The following COX16 variants were observed in gnomAD, a reference collection of about 807,000 sequenced individuals.
COX16 encodes cytochrome c oxidase assembly protein COX16 homolog, mitochondrial.
A neutral mutation model predicts 15.4 loss-of-function variants in COX16; 12 were observed. The observed-to-expected ratio is 0.78, with a 90% CI of 0.50 to 1.26. The LOEUF (loss-of-function observed/expected upper bound fraction) is 1.26, where lower values mean the gene tolerates loss of function less well. COX16 is among the 50% of genes most tolerant of loss of function. COX16 has a pLI of 0.00. For missense variants in COX16, 124 were observed against 127.6 expected (o/e 0.97, Z 0.14); for synonymous variants, 46 against 41.1 (o/e 1.12, Z -0.46).
At chr14:70,337,129 T>G (rs1380218847) in intron 2 of COX16, among the ~76,000 whole-genome samples, 1 of 152,124 alleles carries the variant, frequency 6.6e-6, no homozygotes, top group Non-Finnish European at 1.5e-5. Context: ...TGACAAAAAG[T>G]AGAGATCAAA....
chr14:70,354,916 C>T (rs8015988), intron 1 of COX16, among the ~76,000 whole-genome samples: 71,805 of 151,460 alleles, frequency 0.47, 17,648 homozygotes, highest in South Asian at 0.55. Context: ...ATCCACACTC[C>T]TAACTAAATA....
In COX16 at chr14:70,325,584, C is replaced by A. The variant is rs1209100049; in HGVS notation, c.*749G>T. The A allele has an allele frequency of 2.0e-5, 3 of 152,008 alleles. No individual in the cohort carries two copies. In the East Asian group the frequency reaches 5.8e-4, roughly 29 times the overall value. The allele number at this position is 152,008 out of a possible 1,614,324, so 9.4% of individuals were successfully genotyped here. On this transcript the variant is annotated 3_prime_UTR_variant, in exon 4 of 4. Coordinates refer to ENST00000389912, the MANE Select transcript of COX16 (RefSeq NM_016468.7). Reference sequence around the variant, plus strand: ...AACAGAGCGAGACTATGTCTCAAAACAAAACAAAAACACTAGAGGGCAATT... The same window carrying A: ...AACAGAGCGAGACTATGTCTCAAAAAAAAACAAAAACACTAGAGGGCAATT...
At position 70,326,246 on chromosome 14, in the gene COX16, T is replaced by C. The variant is rs1886067197; in HGVS notation, c.*87A>G. The stretch of plus-strand genomic sequence containing the variant: ...AGTTTCCATGGGCCTGGAATTTCCT[T>C]TCCACTTGATAGAAGTATATATTAG... On this transcript the variant is annotated 3_prime_UTR_variant, in exon 4 of 4. Transcript: ENST00000389912. The C allele has an allele frequency of 1.8e-6, 2 of 1,117,714 alleles. No individual in the cohort carries two copies. The highest frequency in any genetic ancestry group is 6.2e-5 in the East Asian group (2 of 32,028). The allele number at this position is 1,117,714 out of a possible 1,614,324, so 69.2% of individuals were successfully genotyped here.
chr14:70,346,235 T>C (rs1184919264), intron 1 of COX16, among the ~76,000 whole-genome samples: 2 of 152,186 alleles, frequency 1.3e-5, no homozygotes, highest in Admixed American at 6.5e-5. Flanking sequence ...CACAAGACCG[T>C]CTTAATTTAG....
intron 2 of COX16, among the ~76,000 whole-genome samples, chr14:70,334,977 T>TA (rs1886404639): frequency 6.6e-6 from 1 of 151,914 alleles, no homozygotes; most frequent in South Asian, 2.1e-4. Flanking sequence ...TCTATAAAGA[T>TA]ACACATAAAC....
rs143436251 is a variant in COX16 at position 70,341,722 on chromosome 14, A to G, written c.141+936T>C. On this transcript the variant is annotated intron_variant, in intron 2 of 3. Coordinates refer to ENST00000389912, the MANE Select transcript of COX16 (RefSeq NM_016468.7). ...CGATAACATATAGCCCCAACTTGCA[A>G]TGTTTCAACGTACGTTTCTTTTACT... Among the ~76,000 whole-genome samples, 318 of 152,288 alleles carry G rather than the reference A, an allele frequency of 2.1e-3. 1 individual carries two copies. Among genetic ancestry groups the G allele is most frequent in the Admixed American group, 0.014 (208 of 15,308 alleles).
rs1005329063 is a variant in COX16 at position 70,325,896 on chromosome 14, G to A, written c.*437C>T. 2.6e-5 allele frequency: 4 copies of A among 152,384 alleles called. No individual in the cohort carries two copies. The highest frequency in any genetic ancestry group is 9.7e-5 in the African/African-American group (4 of 41,444). The allele number at this position is 152,384 out of a possible 1,614,324, so 9.4% of individuals were successfully genotyped here. A position where few individuals can be genotyped will look rare whatever the true frequency, so the allele number is the denominator to read the frequency against. On this transcript the variant is annotated 3_prime_UTR_variant, in exon 4 of 4. Transcript: ENST00000389912. ...TCATTTTTCTTTCCCTAATAGATAT[G>A]AGAGAAAATTACTGCTTGATTTTAC...
At chr14:70,334,333 G>C (rs530612978) in intron 2 of COX16, among the ~76,000 whole-genome samples, 19 of 152,252 alleles carry the variant, frequency 1.2e-4, no homozygotes, top group African/African-American at 4.1e-4. Context: ...GACCAGCCTG[G>C]TCAACATGGC....
chr14:70,330,068 A>G (rs1045914288), intron 2 of COX16, among the ~76,000 whole-genome samples: 22 of 152,176 alleles, frequency 1.4e-4, no homozygotes, highest in African/African-American at 4.6e-4. Flanking sequence ...TCACCACTAC[A>G]TAGCAATGAG....
Position 70,359,319 on chromosome 14 carries a change from T to C in COX16, c.69+200A>G, listed in dbSNP as rs1887226191. The C allele has an allele frequency of 4.6e-6, 3 of 655,420 alleles. No individual in the cohort carries two copies. In the East Asian group the frequency reaches 8.9e-5, roughly 19 times the overall value. 40.6% of individuals were successfully genotyped at this position (655,420 alleles called of 1,614,324 possible). ...AGTACACCTGAAATCCAACCGGGAG[T>C]GGGGGACAGCGGCGGGGAAGTGGGG... is the stretch of plus-strand genomic sequence containing the variant. On this transcript the variant is annotated intron_variant, in intron 1 of 3. Coordinates refer to ENST00000389912, the MANE Select transcript of COX16 (RefSeq NM_016468.7).
At chr14:70,340,424 T>A (rs1457974633) in intron 2 of COX16, among the ~76,000 whole-genome samples, 1 of 152,200 alleles carries the variant, frequency 6.6e-6, no homozygotes, top group Admixed American at 6.5e-5. Flanking sequence ...ACTGGGTTAT[T>A]GGCACCACCA....
Position 70,326,298 on chromosome 14 carries a change from TAAAAAAAAAA to T in COX16, c.*25_*34del. ...AAGTCCAGTTAATAATATTTTTATTTAAAAAAAAAAAAAAGGAAAAAAGAATCAGCAGAGT... is the reference window on the plus strand; with the variant it reads ...AAGTCCAGTTAATAATATTTTTATTTAAAAGGAAAAAAGAATCAGCAGAGT... On this transcript the variant is annotated 3_prime_UTR_variant, in exon 4 of 4. Coordinates refer to ENST00000389912, the MANE Select transcript of COX16 (RefSeq NM_016468.7). 1 of 1,106,764 alleles carries T rather than the reference TAAAAAAAAAA, an allele frequency of 9.0e-7. No homozygotes were observed. The highest frequency in any genetic ancestry group is 1.9e-5 in the South Asian group (1 of 51,956). The allele number at this position is 1,106,764 out of a possible 1,614,324, so 68.6% of individuals were successfully genotyped here. A position where few individuals can be genotyped will look rare whatever the true frequency, so the allele number is the denominator to read the frequency against.
At chr14:70,335,549 A>T (rs1886424172) in intron 2 of COX16, among the ~76,000 whole-genome samples, 1 of 151,956 alleles carries the variant, frequency 6.6e-6, no homozygotes, top group South Asian at 2.1e-4. Context: ...GGAGCTTTGG[A>T]AGCTGTACAA....
At chr14:70,336,334 C>G (rs1464565929) in intron 2 of COX16, among the ~76,000 whole-genome samples, 2 of 152,116 alleles carry the variant, frequency 1.3e-5, no homozygotes, top group African/African-American at 4.8e-5. Context: ...CATGGAGCGG[C>G]AGGAGGAGAG....
intron 1 of COX16, among the ~76,000 whole-genome samples, chr14:70,349,394 C>T (rs1886877897): frequency 6.6e-6 from 1 of 152,194 alleles, no homozygotes; most frequent in Non-Finnish European, 1.5e-5. Context: ...TTCCCAACAA[C>T]TTCAGAAGGT....
chr14:70,355,595 AT>A (rs1308067270), intron 1 of COX16, among the ~76,000 whole-genome samples: 1 of 152,246 alleles, frequency 6.6e-6, no homozygotes, highest in African/African-American at 2.4e-5. Context: ...CCAAAATATT[AT>A]AGTAGGCTAC....
chr14:70,359,104 C>CCACAGT (rs1286142320), intron 1 of COX16: 1 of 442,660 alleles, frequency 2.3e-6, no homozygotes, highest in Non-Finnish European at 4.6e-6. Context: ...TCCCAATGAT[C>CCACAGT]CACAGTATCG....
chr14:70,358,371 A>ATTT (rs34871293), intron 1 of COX16, among the ~76,000 whole-genome samples: 2,787 of 93,570 alleles, frequency 0.03, 62 homozygotes, highest in African/African-American at 0.043. Flanking sequence ...AAAAACAACA[A>ATTT]TTTTTTTTTT....
intron 2 of COX16, among the ~76,000 whole-genome samples, chr14:70,334,211 A>G (rs1026488876): frequency 6.6e-6 from 1 of 152,234 alleles, no homozygotes; most frequent in African/African-American, 2.4e-5. Context: ...CAATTTGCTA[A>G]GAGATTGGCA....
Sources: gnomAD v4.1 joint callset for allele counts (sites outside exome capture counted in the v4.1 genomes callset) on GRCh38, gnomAD v4.1.1 for gene constraint, MANE v1.5 for transcripts, NCBI Gene and HGNC (gene_info 2026-07-23, HGNC 2026-07-21) for gene names.